Variants in MBOAT1 observed in about 807,000 individuals in gnomAD.
The protein encoded by MBOAT1 is membrane-bound glycerophospholipid O-acyltransferase 1.
Under a neutral mutation model 64.4 loss-of-function variants are expected in MBOAT1, and 67 were observed. That is an observed-to-expected ratio of 1.04 (90% CI 0.85 to 1.27). The LOEUF is 1.27. MBOAT1 is among the 50% of genes most tolerant of loss of function. MBOAT1 has a pLI of 0.00. For synonymous variants in MBOAT1, 229 were observed against 218.9 expected (o/e 1.05, Z -0.41); for missense variants, 563 against 604.6 (o/e 0.93, Z 0.72).
intron 1 of MBOAT1, among the ~76,000 whole-genome samples, chr6:20,195,629 G>GTC (rs1762934033): frequency 6.6e-6 from 1 of 152,060 alleles, no homozygotes; most frequent in African/African-American, 2.4e-5. Flanking sequence ...GTGTGTGTGT[G>GTC]TGTGTGCATG....
At chr6:20,171,340 C>T (rs1581442019) in intron 1 of MBOAT1, among the ~76,000 whole-genome samples, 2 of 149,528 alleles carry the variant, frequency 1.3e-5, no homozygotes, top group Non-Finnish European at 1.5e-5. Context: ...AGTTCAAGAC[C>T]GGCCGGGGCA....
chr6:20,212,411 T>C lies in MBOAT1; in HGVS notation c.-177A>G. 3.3e-6 allele frequency: 2 copies of C among 610,624 alleles called. No homozygotes were observed. Among genetic ancestry groups the C allele is most frequent in the Non-Finnish European group, 2.8e-6 (1 of 354,770 alleles). The allele number at this position is 610,624 out of a possible 1,614,324, so 37.8% of individuals were successfully genotyped here. Reference sequence around the variant, plus strand: ...CGGCGCAAACTCTCGAGGCGCAAACTCTCGAGGCGCAAACTTGGCTTTGGC... The same window carrying C: ...CGGCGCAAACTCTCGAGGCGCAAACCCTCGAGGCGCAAACTTGGCTTTGGC... On this transcript the variant is annotated 5_prime_UTR_variant, in exon 1 of 13. Transcript: ENST00000324607.
intron 1 of MBOAT1, among the ~76,000 whole-genome samples, chr6:20,167,610 G>A (rs530302588): frequency 6.0e-4 from 91 of 152,288 alleles, no homozygotes; most frequent in African/African-American, 2.1e-3. Context: ...CAGATGAATT[G>A]GATGCACAGA....
chr6:20,123,776 G>A (rs1179557862), intron 8 of MBOAT1, among the ~76,000 whole-genome samples: 1 of 152,126 alleles, frequency 6.6e-6, no homozygotes, highest in Non-Finnish European at 1.5e-5. Flanking sequence ...CCAGATCAAG[G>A]CTGGGCGTGG....
At chr6:20,129,559 A>AG (rs774470590) in intron 5 of MBOAT1, among the ~76,000 whole-genome samples, 9 of 150,648 alleles carry the variant, frequency 6.0e-5, no homozygotes, top group Non-Finnish European at 1.3e-4. Context: ...CCCACACACC[A>AG]GGAAAAAAAA....
At chr6:20,176,189 C>A (rs1762338200) in intron 1 of MBOAT1, among the ~76,000 whole-genome samples, 1 of 151,998 alleles carries the variant, frequency 6.6e-6, no homozygotes, top group African/African-American at 2.4e-5. Flanking sequence ...GAGGCCTAGG[C>A]AGGAAGATTG....
intron 4 of MBOAT1, among the ~76,000 whole-genome samples, chr6:20,141,792 G>T (rs1761184656): frequency 6.6e-6 from 1 of 152,120 alleles, no homozygotes. Context: ...GTGGTCCAGG[G>T]TGGTGGCGGT....
chr6:20,156,072 T>A (rs1162761143), intron 1 of MBOAT1, among the ~76,000 whole-genome samples: 1 of 151,810 alleles, frequency 6.6e-6, no homozygotes, highest in Non-Finnish European at 1.5e-5. Flanking sequence ...ATGGAGACCA[T>A]CCTGGCTAAC....
chr6:20,157,430 T>TA (rs1761727302), intron 1 of MBOAT1, among the ~76,000 whole-genome samples: 2 of 152,256 alleles, frequency 1.3e-5, no homozygotes, highest in Admixed American at 6.5e-5. Flanking sequence ...GTTGCAAAAA[T>TA]AACGTGTAAA....
chr6:20,113,381 TTAAG>T (rs1308250380), intron 10 of MBOAT1, among the ~76,000 whole-genome samples: 3 of 152,228 alleles, frequency 2.0e-5, no homozygotes, highest in African/African-American at 7.2e-5. Flanking sequence ...CTGGGGGTGC[TTAAG>T]TAAGTGCCAT....
intron 3 of MBOAT1, among the ~76,000 whole-genome samples, chr6:20,146,971 C>T (rs6917312): frequency 0.04 from 6,024 of 152,064 alleles, 399 homozygotes; most frequent in African/African-American, 0.14. Flanking sequence ...TGGGAGGGAC[C>T]CAGTGGGAGG....
intron 5 of MBOAT1, among the ~76,000 whole-genome samples, chr6:20,129,583 A>G (rs1760758230): frequency 6.6e-6 from 1 of 152,154 alleles, no homozygotes; most frequent in South Asian, 2.1e-4. Context: ...AGGCGAGTAA[A>G]CATTTTGCTG....
At chr6:20,185,187 C>T (rs1257520900) in intron 1 of MBOAT1, among the ~76,000 whole-genome samples, 1 of 151,996 alleles carries the variant, frequency 6.6e-6, no homozygotes, top group Non-Finnish European at 1.5e-5. Context: ...GGGTTTGAGG[C>T]TACAGTGAGC....
Position 20,182,936 on chromosome 6 carries a change from AG to A in MBOAT1, c.99+29199del, listed in dbSNP as rs544753135. 2.6e-5 allele frequency among the ~76,000 whole-genome samples: 4 copies of A among 152,358 alleles called. No individual in the cohort carries two copies. The South Asian group carries it at 6.2e-4, about 24-fold the overall frequency. Reference sequence around the variant, plus strand: ...CATTATTATAACTATGGGAGATGACAGGGAATTTTTCACAGATAGAACAGTT... The same window carrying A: ...CATTATTATAACTATGGGAGATGACAGGAATTTTTCACAGATAGAACAGTT... On this transcript the variant is annotated intron_variant, in intron 1 of 12. Coordinates refer to ENST00000324607, the MANE Select transcript of MBOAT1 (RefSeq NM_001080480.3).
chr6:20,114,220 C>T (rs1457635278), intron 10 of MBOAT1, among the ~76,000 whole-genome samples: 1 of 152,126 alleles, frequency 6.6e-6, no homozygotes, highest in Admixed American at 6.5e-5. Context: ...AGTGTTTTGA[C>T]CCATGAAAGA....
At chr6:20,102,899 T>G (rs1759843815) in intron 12 of MBOAT1, among the ~76,000 whole-genome samples, 1 of 152,226 alleles carries the variant, frequency 6.6e-6, no homozygotes, top group Non-Finnish European at 1.5e-5. Flanking sequence ...AATGTCATAG[T>G]GTAATGCATT....
intron 1 of MBOAT1, among the ~76,000 whole-genome samples, chr6:20,205,899 G>A (rs1763251037): frequency 1.3e-5 from 2 of 151,790 alleles, no homozygotes; most frequent in Admixed American, 1.3e-4. Context: ...GAGACCCTAG[G>A]GGGGCCACCC....
intron 8 of MBOAT1, among the ~76,000 whole-genome samples, chr6:20,122,443 A>G (rs534668802): frequency 3.8e-4 from 58 of 152,288 alleles, no homozygotes; most frequent in Non-Finnish European, 7.3e-4. Context: ...GGGAGAGTCA[A>G]CGTCCTACCT....
Position 20,152,667 on chromosome 6 carries a change from C to A in MBOAT1, c.202G>T (p.Ala68Ser). The part of the protein sequence containing the change: ...TTSSDVRHAV[A>S]TIFGIYFVIF... ...ACAAAATAGATGCCAAAAATGGTGG[C>A]AACCGCATGCCGGACATCAGAGCTG... The change falls in exon 2 of 13, where the codon GCC becomes TCC. Residue 68 changes from alanine to serine, a missense_variant. Coordinates refer to ENST00000324607, the MANE Select transcript of MBOAT1 (RefSeq NM_001080480.3). 1 of 1,611,448 alleles carries A rather than the reference C, an allele frequency of 6.2e-7. No homozygotes were observed. Among genetic ancestry groups the A allele is most frequent in the Non-Finnish European group, 8.5e-7 (1 of 1,178,242 alleles).
Sources: allele counts gnomAD v4.1 joint callset (sites outside exome capture counted in the v4.1 genomes callset), GRCh38; gene constraint gnomAD v4.1.1; transcripts MANE v1.5; gene names NCBI Gene and HGNC (gene_info 2026-07-23, HGNC 2026-07-21).